ANKS1B: variants seen among roughly 807,000 people sequenced by gnomAD.
The protein encoded by ANKS1B is ankyrin repeat and sterile alpha motif domain-containing protein 1B.
A neutral mutation model predicts 148.3 loss-of-function variants in ANKS1B; 36 were observed. That is an observed-to-expected ratio of 0.24 (90% CI 0.19 to 0.32). The LOEUF is 0.32. ANKS1B is among the 10% of genes least tolerant of loss of function. ANKS1B has a pLI of 1.00. For synonymous variants in ANKS1B, 542 were observed against 560.8 expected (o/e 0.97, Z 0.47); for missense variants, 1,157 against 1,542.6 (o/e 0.75, Z 4.19).
chr12:99,449,903 CT>C, intron 10 of ANKS1B, among the ~76,000 whole-genome samples: 1 of 28,602 alleles, frequency 3.5e-5, no homozygotes, highest in Non-Finnish European at 7.0e-5. Flanking sequence ...ATCTATCTAT[CT>C]ATCTATCTAT....
chr12:99,727,518 T>A (rs1480730334), intron 8 of ANKS1B, among the ~76,000 whole-genome samples: 3 of 152,122 alleles, frequency 2.0e-5, no homozygotes, highest in African/African-American at 4.8e-5. Context: ...AAACATTCCA[T>A]CCTCATGGAT....
chr12:99,589,321 T>C (rs1341231686), intron 9 of ANKS1B, among the ~76,000 whole-genome samples: 3 of 152,220 alleles, frequency 2.0e-5, no homozygotes, highest in Non-Finnish European at 2.9e-5. Context: ...TCTCTTTTCC[T>C]CAGAAGCCTA....
intron 10 of ANKS1B, among the ~76,000 whole-genome samples, chr12:99,467,596 G>A (rs1336695938): frequency 2.0e-5 from 3 of 152,084 alleles, no homozygotes; most frequent in Non-Finnish European, 4.4e-5. Flanking sequence ...CAAAGTCTCA[G>A]GAAACAAAAT....
chr12:99,466,817 A>G (rs1340691199), intron 10 of ANKS1B, among the ~76,000 whole-genome samples: 75 of 152,060 alleles, frequency 4.9e-4, no homozygotes, highest in Non-Finnish European at 1.3e-4. Context: ...AACCAAAAAG[A>G]GTCCAGGACC....
chr12:99,887,296 C>T (rs760243309), intron 1 of ANKS1B, among the ~76,000 whole-genome samples: 39 of 152,310 alleles, frequency 2.6e-4, no homozygotes, highest in Non-Finnish European at 5.6e-4. Context: ...GTAAAATACA[C>T]ACCAGATTTC....
At chr12:99,696,049 T>G (rs933817360) in intron 8 of ANKS1B, among the ~76,000 whole-genome samples, 13 of 151,922 alleles carry the variant, frequency 8.6e-5, no homozygotes, top group African/African-American at 3.1e-4. Flanking sequence ...AAGCACAACA[T>G]ACCCATGTAA....
At chr12:99,296,385 T>C (rs138562202) in intron 12 of ANKS1B, among the ~76,000 whole-genome samples, 89 of 152,332 alleles carry the variant, frequency 5.8e-4, no homozygotes, top group Non-Finnish European at 9.7e-4. Context: ...GGTTGGCATC[T>C]TTTCTGGTCT....
rs2064406047 is a variant in ANKS1B, at chr12:99,782,190, A to C, written c.670-93T>G. ...ATGCTCACATTTTACATATTCATAC[A>C]TATTTGCTGTAATCTCAGCTCTCCC... On this transcript the variant is annotated intron_variant, in intron 4 of 26. Transcript: ENST00000683438. 8 of 1,021,544 alleles carry C rather than the reference A, an allele frequency of 7.8e-6. No individual in the cohort carries two copies. The South Asian group carries it at 1.0e-4, about 13-fold the overall frequency. The allele number at this position is 1,021,544 out of a possible 1,614,324, so 63.3% of individuals were successfully genotyped here.
chr12:99,818,608 C>T (rs2082151918), intron 2 of ANKS1B, among the ~76,000 whole-genome samples: 1 of 151,582 alleles, frequency 6.6e-6, no homozygotes, highest in Non-Finnish European at 1.5e-5. Flanking sequence ...CTCTAAAATC[C>T]TAAAGCAAAT....
chr12:99,522,698 T>C (rs531847820), intron 9 of ANKS1B, among the ~76,000 whole-genome samples: 15 of 152,320 alleles, frequency 9.8e-5, no homozygotes, highest in Admixed American at 9.2e-4. Flanking sequence ...TATTAGGAGT[T>C]ACAGCTGACA....
At chr12:99,178,954 T>C (rs961457764) in intron 14 of ANKS1B, among the ~76,000 whole-genome samples, 3 of 152,122 alleles carry the variant, frequency 2.0e-5, no homozygotes, top group African/African-American at 4.8e-5. Flanking sequence ...ATAATAAAAA[T>C]AATGCTTTAG....
intron 12 of ANKS1B, among the ~76,000 whole-genome samples, chr12:99,273,417 TAA>T (rs1291455767): frequency 6.6e-6 from 1 of 152,138 alleles, no homozygotes; most frequent in Non-Finnish European, 1.5e-5. Flanking sequence ...CTTTCTGACA[TAA>T]GTCTTTGTCT....
In ANKS1B at chr12:99,629,117, A is replaced by G. The variant is rs991211638; in HGVS notation, c.1272+25950T>C. On this transcript the variant is annotated intron_variant, in intron 9 of 26. Transcript: ENST00000683438. Reference sequence around the variant, plus strand: ...CATGATACAATAGCAGAACTAAGCAATGTGACAGAGGCCATATAGCACTCA... The same window carrying G: ...CATGATACAATAGCAGAACTAAGCAGTGTGACAGAGGCCATATAGCACTCA... Among the ~76,000 whole-genome samples, 12 of 152,126 alleles carry G rather than the reference A, an allele frequency of 7.9e-5. No individual in the cohort carries two copies. In the East Asian group the frequency reaches 2.3e-3, roughly 29 times the overall value.
chr12:99,942,133 A>G (rs1003758404), intron 1 of ANKS1B, among the ~76,000 whole-genome samples: 2 of 152,150 alleles, frequency 1.3e-5, no homozygotes, highest in Non-Finnish European at 2.9e-5. Flanking sequence ...ATTTAACGAG[A>G]TGAGAGAAGG....
At chr12:99,612,296 C>T (rs1383415380) in intron 9 of ANKS1B, among the ~76,000 whole-genome samples, 1 of 152,130 alleles carries the variant, frequency 6.6e-6, no homozygotes, top group Non-Finnish European at 1.5e-5. Flanking sequence ...TCTATGATGT[C>T]TTCAATAACA....
intron 17 of ANKS1B, among the ~76,000 whole-genome samples, chr12:99,047,932 G>C (rs748510492): frequency 6.6e-6 from 1 of 152,206 alleles, no homozygotes; most frequent in East Asian, 1.9e-4. Context: ...GGTTACACAA[G>C]GTCCTGCAGA....
chr12:99,040,905 C>T (rs1485423630), intron 17 of ANKS1B, among the ~76,000 whole-genome samples: 4 of 152,166 alleles, frequency 2.6e-5, no homozygotes, highest in Non-Finnish European at 5.9e-5. Flanking sequence ...TAGCCAGGAT[C>T]CAAATCCCCG....
At chr12:99,185,473 A>G (rs965513613) in intron 14 of ANKS1B, among the ~76,000 whole-genome samples, 1 of 152,232 alleles carries the variant, frequency 6.6e-6, no homozygotes, top group Non-Finnish European at 1.5e-5. Context: ...GAATAGGAAT[A>G]GCTCTGGTCT....
At chr12:99,874,314 T>C (rs2091861673) in intron 1 of ANKS1B, among the ~76,000 whole-genome samples, 2 of 152,130 alleles carry the variant, frequency 1.3e-5, no homozygotes, top group Admixed American at 1.3e-4. Context: ...TCACTGCTTA[T>C]ATTGAGTTTA....
Sources: allele counts gnomAD v4.1 joint callset (sites outside exome capture counted in the v4.1 genomes callset), GRCh38; gene constraint gnomAD v4.1.1; transcripts MANE v1.5; gene names NCBI Gene and HGNC (gene_info 2026-07-23, HGNC 2026-07-21).